OR51C1: variants seen among roughly 807,000 people sequenced by gnomAD.
The protein encoded by OR51C1 is olfactory receptor family 51 subfamily C member 1.
the OR51C1 span, chr11:4,691,204 T>C: frequency 8.8e-6 from 4 of 456,720 alleles, no homozygotes; most frequent in South Asian, 6.2e-5. Flanking sequence ...TAGGAAAGTC[T>C]TATAAGAAGT....
chr11:4,692,572 T>A, the OR51C1 span, among the ~76,000 whole-genome samples: 2 of 152,214 alleles, frequency 1.3e-5, no homozygotes, highest in African/African-American at 2.4e-5. Flanking sequence ...ATTTCTTTTT[T>A]CATAGAGTAG....
At chr11:4,694,201 G>C in the OR51C1 span, among the ~76,000 whole-genome samples, 9 of 151,530 alleles carry the variant, frequency 5.9e-5, no homozygotes, top group African/African-American at 2.2e-4. Context: ...CATTCTTCTT[G>C]GTAGTTTTTT....
the OR51C1 span, among the ~76,000 whole-genome samples, chr11:4,695,526 GA>G: frequency 6.6e-6 from 1 of 152,090 alleles, no homozygotes; most frequent in African/African-American, 2.4e-5. Context: ...CTTTTATAAG[GA>G]TAAAAATTCC....
chr11:4,691,181 T>C, the OR51C1 span: 5 of 456,684 alleles, frequency 1.1e-5, no homozygotes, highest in African/African-American at 8.0e-5. Flanking sequence ...GGTGGAGTAC[T>C]TGGCTGTGGC....
chr11:4,696,193 A>C, the OR51C1 span, among the ~76,000 whole-genome samples: 1 of 152,324 alleles, frequency 6.6e-6, no homozygotes, highest in East Asian at 1.9e-4. Context: ...GCTACCCCTG[A>C]GGGACATCTC....
chr11:4,696,965 CAT>C, the OR51C1 span, among the ~76,000 whole-genome samples: 3 of 152,198 alleles, frequency 2.0e-5, no homozygotes, highest in African/African-American at 7.2e-5. Context: ...AAATATTACT[CAT>C]AGAAATAGCT....
the OR51C1 span, among the ~76,000 whole-genome samples, chr11:4,694,775 T>C: frequency 6.6e-6 from 1 of 152,158 alleles, no homozygotes; most frequent in African/African-American, 2.4e-5. Context: ...ATCTAATTGA[T>C]AAGGCAGAAG....
chr11:4,693,156 T>C, the OR51C1 span, among the ~76,000 whole-genome samples: 1 of 152,220 alleles, frequency 6.6e-6, no homozygotes, highest in Admixed American at 6.5e-5. Context: ...GATATGATAA[T>C]TAGCTTGATT....
the OR51C1 span, among the ~76,000 whole-genome samples, chr11:4,693,497 G>T: frequency 6.6e-6 from 1 of 152,132 alleles, no homozygotes; most frequent in African/African-American, 2.4e-5. Flanking sequence ...CGAGGTGGGC[G>T]GATCACGAGG....
the OR51C1 span, among the ~76,000 whole-genome samples, chr11:4,694,485 CGTGTATATATAT>C: frequency 6.9e-6 from 1 of 144,206 alleles, no homozygotes; most frequent in East Asian, 2.6e-4. Context: ...CATATATATA[CGTGTATATATAT>C]ATATACACAC....
chr11:4,694,194 T>A, the OR51C1 span, among the ~76,000 whole-genome samples: 2 of 152,132 alleles, frequency 1.3e-5, no homozygotes, highest in East Asian at 1.9e-4. Flanking sequence ...CTATTTTCAT[T>A]CTTCTTGGTA....
the OR51C1 span, chr11:4,691,143 A>T: frequency 2.2e-6 from 1 of 456,726 alleles, no homozygotes; most frequent in South Asian, 1.6e-5. Context: ...TGAGAGCTTC[A>T]TCACATCAGG....
At chr11:4,697,529 C>T in the OR51C1 span, 1 of 152,648 alleles carries the variant, frequency 6.6e-6, no homozygotes, top group East Asian at 1.9e-4. Flanking sequence ...TACCGTCCTC[C>T]TCAGCCCACC....
At chr11:4,691,399 G>A in the OR51C1 span, 2 of 457,864 alleles carry the variant, frequency 4.4e-6, no homozygotes, top group Non-Finnish European at 8.8e-6. Context: ...AAGAACATGT[G>A]GGACAAGCAG....
the OR51C1 span, chr11:4,691,123 T>C: frequency 0.27 from 122,477 of 456,460 alleles, 17,398 homozygotes; most frequent in Non-Finnish European, 0.29. Context: ...TTGATTCTGG[T>C]GTCTGTGCAT....
At chr11:4,696,823 G>A in the OR51C1 span, among the ~76,000 whole-genome samples, 47 of 152,220 alleles carry the variant, frequency 3.1e-4, no homozygotes, top group African/African-American at 1.1e-3. Flanking sequence ...TTAATCTGCT[G>A]AACTAGACCT....
the OR51C1 span, among the ~76,000 whole-genome samples, chr11:4,693,831 A>G: frequency 6.6e-6 from 1 of 152,228 alleles, no homozygotes; most frequent in African/African-American, 2.4e-5. Context: ...TGGATCTTAC[A>G]TAGTGCTATT....
the OR51C1 span, chr11:4,691,817 A>G: frequency 3.4e-6 from 1 of 298,448 alleles, no homozygotes; most frequent in South Asian, 3.3e-5. Flanking sequence ...GAGTATTTAT[A>G]TAATATGAAA....
chr11:4,696,807 G>T, the OR51C1 span, among the ~76,000 whole-genome samples: 1 of 152,214 alleles, frequency 6.6e-6, no homozygotes, highest in East Asian at 1.9e-4. Flanking sequence ...ATAGCTTGTG[G>T]CTGTCTTAAT....
Sources: allele counts gnomAD v4.1 joint callset (sites outside exome capture counted in the v4.1 genomes callset), GRCh38; gene constraint gnomAD v4.1.1; transcripts MANE v1.5; gene names NCBI Gene and HGNC (gene_info 2026-07-23, HGNC 2026-07-21).